FHIP2A: variants seen among roughly 807,000 people sequenced by gnomAD.
FHIP2A encodes the protein FHF complex subunit HOOK interacting protein 2A, also known as family with sequence similarity 160 member B1.
FHIP2A carries 46 observed loss-of-function variants against 93.5 expected under a neutral mutation model. The observed-to-expected ratio is 0.49, with a 90% CI of 0.39 to 0.63. FHIP2A has a LOEUF of 0.63. Ranked by LOEUF, FHIP2A falls within the 20% of genes least tolerant of loss-of-function variation. FHIP2A has a pLI of 0.00. For synonymous variants in FHIP2A, 332 were observed against 326.5 expected, an observed-to-expected ratio of 1.02 and a Z score of -0.18; for missense variants, 769 against 909.7, an observed-to-expected ratio of 0.85 and a Z score of 1.99.
chr10:114,847,412 C>T (rs1405233881), intron 12 of FHIP2A, among the ~76,000 whole-genome samples, 179 bp downstream of exon 12: 3 of 151,956 alleles, frequency 2.0e-5, no homozygotes, highest in Non-Finnish European at 4.4e-5. Flanking sequence ...CCCCAGCCTC[C>T]CAAGTAGCTG....
At chr10:114,845,905 T>A in intron 8 of FHIP2A, 108 bp from the exon 9 acceptor site, 1 of 845,314 alleles carries the variant, frequency 1.2e-6, no homozygotes, top group East Asian at 2.6e-5. Context: ...TAGGCAAGTT[T>A]TGTCTTTCCA....
chr10:114,860,588 G>A (rs1240939166), intron 14 of FHIP2A, among the ~76,000 whole-genome samples, 161 bp from the exon 15 acceptor site: 3 of 152,154 alleles, frequency 2.0e-5, no homozygotes, highest in African/African-American at 7.2e-5. Context: ...CCAACCTCAG[G>A]TGATCCGCCC....
intron 16 of FHIP2A, among the ~76,000 whole-genome samples, chr10:114,880,237 G>A (rs944574132): frequency 1.3e-5 from 2 of 152,218 alleles, no homozygotes; most frequent in African/African-American, 4.8e-5. Context: ...GATGGCTAAG[G>A]AGAGCAGTGC....
chr10:114,872,621 T>C (rs2083865339), intron 16 of FHIP2A, among the ~76,000 whole-genome samples: 1 of 152,192 alleles, frequency 6.6e-6, no homozygotes, highest in African/African-American at 2.4e-5. Flanking sequence ...ACTACTGCCA[T>C]TAGGATAATC....
At position 114,864,339 on chromosome 10, in the gene FHIP2A, T is replaced by C. The variant is rs764893093; in HGVS notation, c.*2799T>C. ...AGTGAAGTGCTAAAACCACACTATA[T>C]GGTAATTATATTTTGGGTTATGTAG... On this transcript the variant is annotated 3_prime_UTR_variant, in exon 17 of 17. Coordinates refer to ENST00000369248, the MANE Select transcript of FHIP2A (RefSeq NM_020940.4). 4.4e-5 allele frequency: 43 copies of C among 985,562 alleles called. 1 individual carries two copies. The Middle Eastern group carries it at 2.6e-3, about 59-fold the overall frequency. 61.1% of individuals were successfully genotyped at this position (985,562 alleles called of 1,614,324 possible).
chr10:114,849,256 A>T (rs2083720557), intron 13 of FHIP2A, among the ~76,000 whole-genome samples: 2 of 150,734 alleles, frequency 1.3e-5, no homozygotes, highest in Admixed American at 6.6e-5. Context: ...GTGCTCTTTA[A>T]TTTTTTCCCA....
downstream of FHIP2A, among the ~76,000 whole-genome samples, chr10:114,866,947 G>T (rs1213266921): frequency 6.6e-6 from 1 of 152,160 alleles, no homozygotes; most frequent in African/African-American, 2.4e-5. Flanking sequence ...GGTAGCTCAC[G>T]CCTGTAATCC....
intron 16 of FHIP2A, among the ~76,000 whole-genome samples, chr10:114,890,756 T>C (rs1343833485): frequency 6.7e-6 from 1 of 148,492 alleles, no homozygotes; most frequent in African/African-American, 2.5e-5. Flanking sequence ...GACATACATA[T>C]AGTATATAAA....
intron 16 of FHIP2A, among the ~76,000 whole-genome samples, chr10:114,889,427 C>CT (rs999354020): frequency 6.6e-6 from 1 of 152,174 alleles, no homozygotes; most frequent in East Asian, 1.9e-4. Flanking sequence ...TCATTCTTGC[C>CT]TTTTTTTGTG....
At chr10:114,895,547 T>C (rs1156546556) in intron 16 of FHIP2A, among the ~76,000 whole-genome samples, 1 of 152,212 alleles carries the variant, frequency 6.6e-6, no homozygotes, top group Non-Finnish European at 1.5e-5. Flanking sequence ...CTTTGTATAA[T>C]CTGCTGGAGT....
chr10:114,885,477 T>G (rs142978393), intron 16 of FHIP2A, among the ~76,000 whole-genome samples: 1,993 of 152,318 alleles, frequency 0.013, 29 homozygotes, highest in Admixed American at 0.02. Flanking sequence ...GAATTGTTTT[T>G]GCTCTGCAGT....
At chr10:114,822,743 A>G (rs1359079) in intron 1 of FHIP2A, among the ~76,000 whole-genome samples, 62,087 of 151,964 alleles carry the variant, frequency 0.41, 13,293 homozygotes, top group Non-Finnish European at 0.48. Flanking sequence ...TTGATCTGAA[A>G]TAGGAGTTTG....
intron 5 of FHIP2A, among the ~76,000 whole-genome samples, chr10:114,839,881 C>CAAAAAAAAAAA (rs10612399): frequency 2.1e-5 from 2 of 95,544 alleles, no homozygotes; most frequent in Middle Eastern, 6.2e-3. Flanking sequence ...GACTCTGTCT[C>CAAAAAAAAAAA]AAAAAAAAAA....
intron 16 of FHIP2A, among the ~76,000 whole-genome samples, chr10:114,898,962 TA>T (rs1309930097): frequency 1.3e-5 from 2 of 152,146 alleles, no homozygotes; most frequent in Non-Finnish European, 2.9e-5. Flanking sequence ...ATGATATAAG[TA>T]GAAGTTTGGT....
intron 13 of FHIP2A, among the ~76,000 whole-genome samples, chr10:114,852,920 T>G (rs1357203968): frequency 6.6e-6 from 1 of 152,220 alleles, no homozygotes; most frequent in Non-Finnish European, 1.5e-5. Flanking sequence ...CTCTTATTTC[T>G]CACCCACCAT....
chr10:114,873,942 C>A (rs1270466174), intron 16 of FHIP2A, among the ~76,000 whole-genome samples: 3 of 124,536 alleles, frequency 2.4e-5, no homozygotes, highest in Non-Finnish European at 3.6e-5. Flanking sequence ...TAGGAATATT[C>A]AGGAGGGGGA....
chr10:114,899,057 G>GCT, intron 16 of FHIP2A, among the ~76,000 whole-genome samples: 1 of 152,190 alleles, frequency 6.6e-6, no homozygotes, highest in Non-Finnish European at 1.5e-5. Context: ...CCTAGAGGAT[G>GCT]GACAACCACA....
downstream of FHIP2A, among the ~76,000 whole-genome samples, chr10:114,865,010 C>G (rs553639470): frequency 1.4e-4 from 21 of 151,028 alleles, no homozygotes; most frequent in African/African-American, 4.6e-4. Flanking sequence ...TTTTTTGAGG[C>G]AGAGTCTCGC....
At chr10:114,865,093 TTCTC>T (rs1300726067), downstream of FHIP2A, among the ~76,000 whole-genome samples, 1 of 152,106 alleles carries the variant, frequency 6.6e-6, no homozygotes, top group Non-Finnish European at 1.5e-5. Flanking sequence ...GTTCAAGTGA[TTCTC>T]CTGCCCCAGC....
Sources: gnomAD v4.1 joint callset for allele counts (sites outside exome capture counted in the v4.1 genomes callset) on GRCh38, gnomAD v4.1.1 for gene constraint, MANE v1.5 for transcripts, NCBI Gene and HGNC (gene_info 2026-07-23, HGNC 2026-07-21) for gene names.